The following CEP72 variants were observed in gnomAD, a reference collection of about 807,000 sequenced individuals.
CEP72 encodes centrosomal protein 72.
Under a neutral mutation model 65.7 loss-of-function variants are expected in CEP72, and 78 were observed. That is an observed-to-expected ratio of 1.19 (90% CI 0.99 to 1.43). The LOEUF (loss-of-function observed/expected upper bound fraction) is 1.43, where lower values mean the gene tolerates loss of function less well. Ranked by LOEUF, CEP72 falls within the 40% of genes most tolerant of loss-of-function variation. CEP72 has a pLI of 0.00. For missense variants in CEP72, 914 were observed against 832.9 expected (o/e 1.10, Z -1.20); for synonymous variants, 358 against 351.7 (o/e 1.02, Z -0.20).
At position 620,220 on chromosome 5, in the gene CEP72, G is replaced by T; in HGVS notation, c.362G>T (p.Arg121Leu). 2 of 1,614,118 alleles carry T rather than the reference G, an allele frequency of 1.2e-6. No homozygotes were observed. The highest frequency in any genetic ancestry group is 8.5e-7 in the Non-Finnish European group (1 of 1,179,952). Residue 121 changes from arginine to leucine, a missense_variant, in exon 3 of 12, where the codon CGC (arginine) becomes CTC (leucine). Coordinates refer to ENST00000264935, the MANE Select transcript of CEP72 (RefSeq NM_018140.4). Reference sequence around the variant, plus strand: ...GTGGTGAAGGTTGAGCCTGACTACCGCCTTTTTGTTGTGCACCTGCTCCCC... The same window carrying T: ...GTGGTGAAGGTTGAGCCTGACTACCTCCTTTTTGTTGTGCACCTGCTCCCC... ...NPVVKVEPDY[R>L]LFVVHLLPKL...
chr5:639,310 A>C (rs1561050541), intron 8 of CEP72, 86 bp downstream of exon 8: 2 of 1,443,998 alleles, frequency 1.4e-6, no homozygotes, highest in South Asian at 2.8e-5. Flanking sequence ...CCTAGGAGTC[A>C]TCTCAGCCCC....
At chr5:675,979 G>C in the CEP72 span, 1 of 152,098 alleles carries the variant, frequency 6.6e-6, no homozygotes, top group South Asian at 2.1e-4. Flanking sequence ...AGACCAGCTC[G>C]CACCCGGGGC....
exon 4 of CEP72, chr5:666,002 C>G: frequency 1.2e-6 from 2 of 1,606,174 alleles, no homozygotes; most frequent in South Asian, 1.1e-5. Context: ...GCCTTGCCCT[C>G]GATGAGCCTG....
At chr5:615,099 A>G (rs1283837304) in intron 1 of CEP72, among the ~76,000 whole-genome samples, 1 of 140,194 alleles carries the variant, frequency 7.1e-6, no homozygotes, top group Non-Finnish European at 1.5e-5. Flanking sequence ...ATACCTTCTT[A>G]GTGGACTGAC....
chr5:655,862 GCTT>G (rs1739364721), downstream of CEP72, among the ~76,000 whole-genome samples: 1 of 152,146 alleles, frequency 6.6e-6, no homozygotes, highest in African/African-American at 2.4e-5. This position sits in a 1 kb window ranked among gnomAD's most constrained non-coding sequence, Gnocchi z 5.0. Context: ...TTTGCAAATA[GCTT>G]TTCTTGTCTT....
Position 619,069 on chromosome 5 carries a change from A to G in CEP72, c.162A>G (p.Thr54=). The stretch of plus-strand genomic sequence containing the variant: ...TGGGACATTCTCTGATGAGTTTAAC[A>G]GGTCTGAAATCTTTGGATCTCTCGC... The part of the protein sequence containing the change: ...THLGHSLMSL[T]GLKSLDLSRN... Residue 54 remains threonine (T), a synonymous_variant, in exon 2 of 12, where the codon ACA becomes ACG. Transcript: ENST00000264935. 1 of 1,613,894 alleles carries G rather than the reference A, an allele frequency of 6.2e-7. No homozygotes were observed. The highest frequency in any genetic ancestry group is 1.1e-5 in the South Asian group (1 of 91,072).
At chr5:665,474 C>T in intron 3 of CEP72, 1 of 661,262 alleles carries the variant, frequency 1.5e-6, no homozygotes, top group Non-Finnish European at 2.5e-6. Context: ...CTGGGGCAGC[C>T]TTGGGCCTGC....
rs143364118 is a variant in CEP72 at position 624,305 on chromosome 5, G to A, written c.404-166G>A. The stretch of plus-strand genomic sequence containing the variant: ...CGGCCTCAGCACCACGCTGGGCATC[G>A]CCGGGAAGCTGTGGGACCACCAGAG... On this transcript the variant is annotated intron_variant, in intron 3 of 11. Transcript: ENST00000264935. This position sits in a 1 kb window ranked among gnomAD's most constrained non-coding sequence, Gnocchi z 4.7. 2.3e-4 allele frequency among the ~76,000 whole-genome samples: 35 copies of A among 152,326 alleles called. No individual in the cohort carries two copies. The East Asian group carries it at 6.6e-3, about 29-fold the overall frequency.
intron 11 of CEP72, 119 bp downstream of exon 11, chr5:648,035 G>A: frequency 1.6e-6 from 1 of 638,610 alleles, no homozygotes. Flanking sequence ...ATGAGTCTTG[G>A]CCGATGATAT....
At chr5:649,949 C>T (rs866228100) in intron 11 of CEP72, among the ~76,000 whole-genome samples, 58 of 32,022 alleles carry the variant, frequency 1.8e-3, no homozygotes, top group African/African-American at 5.0e-3. Flanking sequence ...GACTGTGAGG[C>T]GTGACTGTGA....
rs1413618111 is a variant in CEP72 at position 636,513 on chromosome 5, CCTCCTGCCGTGAG to C, written c.904+931_904+943del. Among the ~76,000 whole-genome samples, 4 of 152,194 alleles carry C rather than the reference CCTCCTGCCGTGAG, an allele frequency of 2.6e-5. No individual in the cohort carries two copies. The East Asian group carries it at 7.7e-4, about 29-fold the overall frequency. Reference sequence around the variant, plus strand: ...CCTATGTGGCATAAGTATCAGAAAACCTCCTGCCGTGAGCAGGCCAGACACGGTGGCTCACGCC... The same window carrying C: ...CCTATGTGGCATAAGTATCAGAAAACCAGGCCAGACACGGTGGCTCACGCC... On this transcript the variant is annotated intron_variant, in intron 6 of 11. Transcript: ENST00000264935.
chr5:641,341 G>A, intron 9 of CEP72: 1 of 985,426 alleles, frequency 1.0e-6, no homozygotes, highest in Non-Finnish European at 1.2e-6. Context: ...GTCCTGGTGT[G>A]AGGGCAGAGC....
At chr5:629,607 C>A (rs1694518174) in intron 4 of CEP72, among the ~76,000 whole-genome samples, 1 of 102,382 alleles carries the variant, frequency 9.8e-6, no homozygotes, top group Non-Finnish European at 1.9e-5. Flanking sequence ...CTGTCCAGTG[C>A]CGGGATTTGG....
At chr5:629,298 C>T (rs539045647) in intron 4 of CEP72, among the ~76,000 whole-genome samples, 1 of 152,374 alleles carries the variant, frequency 6.6e-6, no homozygotes, top group African/African-American at 2.4e-5. Flanking sequence ...ACTTAACTTT[C>T]TTGATCACGT....
rs552467999 is a variant in CEP72 at position 641,263 on chromosome 5, G to A, written c.1539+659G>A. The A allele has an allele frequency of 3.0e-6, 3 of 985,430 alleles. No individual in the cohort carries two copies. The African/African-American group carries it at 5.2e-5, about 17-fold the overall frequency. 61.0% of individuals were successfully genotyped at this position (985,430 alleles called of 1,614,324 possible). A position where few individuals can be genotyped will look rare whatever the true frequency, so the allele number is the denominator to read the frequency against. On this transcript the variant is annotated intron_variant, in intron 9 of 11. Transcript: ENST00000264935. Reference sequence around the variant, plus strand: ...CGCTGCAAGGGCCTCCCCACGGGCTGCTGGCATCCTTAGCACAGGGAGCTG... The same window carrying A: ...CGCTGCAAGGGCCTCCCCACGGGCTACTGGCATCCTTAGCACAGGGAGCTG...
chr5:649,504 T>TGACTGTGAGGTGTGACTGTGAGGTGTG (rs1561063140), intron 11 of CEP72, among the ~76,000 whole-genome samples: 12 of 18,402 alleles, frequency 6.5e-4, no homozygotes, highest in Admixed American at 1.2e-3. Context: ...CTGTGAGGTG[T>TGACTGTGAGGTGTGACTGTGAGGTGTG]GACTGTGAGG....
Position 645,926 on chromosome 5 carries a change from G to A in CEP72, c.1666+1501G>A, listed in dbSNP as rs866742729. Among the ~76,000 whole-genome samples, 10 of 149,358 alleles carry A rather than the reference G, an allele frequency of 6.7e-5. No homozygotes were observed. The highest frequency in any genetic ancestry group is 1.3e-4 in the Admixed American group (2 of 15,014). The stretch of plus-strand genomic sequence containing the variant: ...CTGTGTGGACGGTGAATTCGGCTTC[G>A]TTACACTGTGTGAGCGTCACTCCTG... On this transcript the variant is annotated intron_variant, in intron 10 of 11. Coordinates refer to ENST00000264935, the MANE Select transcript of CEP72 (RefSeq NM_018140.4). The surrounding 1 kb of genome is among the most constrained non-coding windows in gnomAD (Gnocchi z 4.0).
At chr5:622,919 A>T (rs1453321045) in intron 3 of CEP72, among the ~76,000 whole-genome samples, 2 of 152,232 alleles carry the variant, frequency 1.3e-5, no homozygotes, top group Non-Finnish European at 2.9e-5. Flanking sequence ...TACAGTCCTT[A>T]TTCTAGGTAA....
At chr5:673,573 C>T in the CEP72 span, among the ~76,000 whole-genome samples, 2 of 152,182 alleles carry the variant, frequency 1.3e-5, no homozygotes, top group Admixed American at 6.5e-5. Flanking sequence ...ACTCACGGTG[C>T]CCAGCCTGCC....
Sources: allele counts gnomAD v4.1 joint callset (sites outside exome capture counted in the v4.1 genomes callset), GRCh38; gene constraint gnomAD v4.1.1; non-coding constraint Gnocchi (gnomAD v3.1); transcripts MANE v1.5; gene names NCBI Gene and HGNC (gene_info 2026-07-23, HGNC 2026-07-21).